The following CNOT2 variants were observed in gnomAD, a reference collection of about 807,000 sequenced individuals.
CNOT2 encodes the protein CC chemokine receptor 4-negative regulator of transcription 2.
CNOT2 carries 7 observed loss-of-function variants against 72.1 expected under a neutral mutation model. The observed-to-expected ratio is 0.10, with a 90% CI of 0.06 to 0.18. The LOEUF (loss-of-function observed/expected upper bound fraction) is 0.18, where lower values mean the gene tolerates loss of function less well. Ranked by LOEUF, CNOT2 falls within the 10% of genes least tolerant of loss-of-function variation. The pLI is 1.00. For missense variants in CNOT2, 345 were observed against 660.3 expected (o/e 0.52, Z 5.23); for synonymous variants, 196 against 225.6 (o/e 0.87, Z 1.17).
At chr12:70,322,427 G>C (rs1315809932) in intron 4 of CNOT2, 1 of 151,756 alleles carries the variant, frequency 6.6e-6, no homozygotes, top group Non-Finnish European at 1.5e-5. Flanking sequence ...GTGGTTGATA[G>C]TTGCATTTAC....
chr12:70,264,219 A>C (rs550561996), intron 1 of CNOT2, among the ~76,000 whole-genome samples: 1 of 152,076 alleles, frequency 6.6e-6, no homozygotes, highest in African/African-American at 2.4e-5. Flanking sequence ...GTTCCTAGCT[A>C]TCTCTCTTCC....
intron 3 of CNOT2, among the ~76,000 whole-genome samples, chr12:70,317,679 G>A (rs933696574): frequency 7.4e-6 from 1 of 135,344 alleles, no homozygotes; most frequent in African/African-American, 2.8e-5. Context: ...GTTTTCTTTA[G>A]AGTGGTGTAT....
chr12:70,263,076 C>T (rs936731644), intron 1 of CNOT2, among the ~76,000 whole-genome samples: 4 of 152,128 alleles, frequency 2.6e-5, no homozygotes, highest in African/African-American at 9.7e-5. Flanking sequence ...TTCTGGCCAC[C>T]ATTATTTCTA....
chr12:70,256,215 C>G (rs1195097343), intron 1 of CNOT2, among the ~76,000 whole-genome samples: 1 of 152,100 alleles, frequency 6.6e-6, no homozygotes, highest in African/African-American at 2.4e-5. Context: ...CAAGACAAGG[C>G]AAAGATATAT....
At chr12:70,285,560 C>G (rs1448262992) in intron 2 of CNOT2, 1 of 151,544 alleles carries the variant, frequency 6.6e-6, no homozygotes, top group African/African-American at 2.4e-5. Context: ...TGCGTGGAGT[C>G]TAGGATGATA....
At chr12:70,298,934 G>T (rs1221913220) in intron 2 of CNOT2, among the ~76,000 whole-genome samples, 1 of 152,170 alleles carries the variant, frequency 6.6e-6, no homozygotes, top group Non-Finnish European at 1.5e-5. Flanking sequence ...TGGGAGAGTA[G>T]AATTGAGGGG....
At chr12:70,252,565 T>G (rs914624756) in intron 1 of CNOT2, among the ~76,000 whole-genome samples, 3 of 152,228 alleles carry the variant, frequency 2.0e-5, no homozygotes, top group Non-Finnish European at 4.4e-5. Flanking sequence ...GTAGCCTGAT[T>G]GTCTATTTAG....
rs1880582189 is a variant in CNOT2, at chr12:70,335,676, A to G, written c.775+113A>G. 6.9e-6 allele frequency: 5 copies of G among 726,584 alleles called. No homozygotes were observed. In the South Asian group the frequency reaches 1.1e-4, roughly 17 times the overall value. The allele number at this position is 726,584 out of a possible 1,614,324, so 45.0% of individuals were successfully genotyped here. A position where few individuals can be genotyped will look rare whatever the true frequency, so the allele number is the denominator to read the frequency against. ...TGTGTGTGTACACATGTATGTTTGC[A>G]TTTTCTAATCAGGTTAGTGTAATTT... is the stretch of plus-strand genomic sequence containing the variant. On this transcript the variant is annotated intron_variant, in intron 8 of 15. Transcript: ENST00000229195.
intron 5 of CNOT2, 21 bp downstream of exon 5, chr12:70,329,591 A>G (rs1353753039): frequency 6.4e-7 from 1 of 1,569,638 alleles, no homozygotes; most frequent in South Asian, 1.1e-5. Flanking sequence ...ATGGACCAGA[A>G]TATTTTTCAA....
At chr12:70,247,345 A>C (rs1249571233) in intron 1 of CNOT2, among the ~76,000 whole-genome samples, 3 of 151,938 alleles carry the variant, frequency 2.0e-5, no homozygotes, top group Non-Finnish European at 4.4e-5. Context: ...CAGTAGAGAC[A>C]GGGTTTCACC....
intron 7 of CNOT2, among the ~76,000 whole-genome samples, chr12:70,333,893 A>G (rs971778866): frequency 5.9e-5 from 9 of 151,920 alleles, no homozygotes; most frequent in Non-Finnish European, 8.8e-5. Flanking sequence ...TCATAGTTTA[A>G]TTGTAGTTTT....
intron 4 of CNOT2, chr12:70,323,242 A>C (rs1330703164): frequency 1.3e-5 from 2 of 151,636 alleles, no homozygotes. Context: ...ATCTCTGCAT[A>C]GTGTACCTAC....
At chr12:70,305,137 G>T (rs939154991) in intron 2 of CNOT2, among the ~76,000 whole-genome samples, 2 of 152,192 alleles carry the variant, frequency 1.3e-5, no homozygotes, top group Non-Finnish European at 2.9e-5. Flanking sequence ...GCGATGCCCC[G>T]CCCTGTTTCG....
At chr12:70,284,361 C>T (rs997448473) in intron 2 of CNOT2, among the ~76,000 whole-genome samples, 1 of 152,044 alleles carries the variant, frequency 6.6e-6, no homozygotes, top group East Asian at 1.9e-4. Flanking sequence ...TTTCGTGCCT[C>T]AGCCTCCCAA....
chr12:70,264,890 G>A (rs981672855), intron 1 of CNOT2, among the ~76,000 whole-genome samples: 3 of 152,046 alleles, frequency 2.0e-5, no homozygotes, highest in African/African-American at 7.2e-5. Flanking sequence ...ACTCCCCAGA[G>A]CACTGAGTTT....
intron 4 of CNOT2, chr12:70,321,494 G>A (rs914440420): frequency 1.1e-4 from 16 of 151,896 alleles, no homozygotes; most frequent in African/African-American, 3.4e-4. Context: ...AAGGAACTGA[G>A]TTAAATGAAG....
intron 2 of CNOT2, among the ~76,000 whole-genome samples, chr12:70,281,776 G>T (rs1869881000): frequency 8.0e-6 from 1 of 124,624 alleles, no homozygotes; most frequent in Non-Finnish European, 1.9e-5. Flanking sequence ...CTATAGACTT[G>T]TGCAGTCCAA....
At position 70,271,184 on chromosome 12, in the gene CNOT2, C is replaced by T. The variant is rs550415243; in HGVS notation, c.-95-6948C>T. ...TGGTTACAAGATGGATATAGTAGCT[C>T]TAGTTGTGCTATTCTGATATAACAA... is the stretch of plus-strand genomic sequence containing the variant. On this transcript the variant is annotated intron_variant, in intron 1 of 15. Coordinates refer to ENST00000229195, the MANE Select transcript of CNOT2 (RefSeq NM_014515.7). Among the ~76,000 whole-genome samples, 4 of 152,210 alleles carry T rather than the reference C, an allele frequency of 2.6e-5. No individual in the cohort carries two copies. The East Asian group carries it at 7.7e-4, about 29-fold the overall frequency.
At chr12:70,263,786 C>T (rs1958891862) in intron 1 of CNOT2, among the ~76,000 whole-genome samples, 1 of 152,196 alleles carries the variant, frequency 6.6e-6, no homozygotes, top group South Asian at 2.1e-4. Flanking sequence ...GGACATTTTA[C>T]ATGAACTTTG....
Sources: gnomAD v4.1 joint callset for allele counts (sites outside exome capture counted in the v4.1 genomes callset) on GRCh38, gnomAD v4.1.1 for gene constraint, MANE v1.5 for transcripts, NCBI Gene and HGNC (gene_info 2026-07-23, HGNC 2026-07-21) for gene names.